ANKS1B: variants seen among roughly 807,000 people sequenced by gnomAD.
ANKS1B encodes the protein ankyrin repeat and sterile alpha motif domain containing 1B.
A neutral mutation model predicts 148.3 loss-of-function variants in ANKS1B; 36 were observed. The observed-to-expected ratio is 0.24, with a 90% CI of 0.19 to 0.32. The LOEUF (loss-of-function observed/expected upper bound fraction) is 0.32, where lower values mean the gene tolerates loss of function less well. Ranked by LOEUF, ANKS1B falls within the 10% of genes least tolerant of loss-of-function variation. The pLI is 1.00. For synonymous variants in ANKS1B, 542 were observed against 560.8 expected (o/e 0.97, Z 0.47); for missense variants, 1,157 against 1,542.6 (o/e 0.75, Z 4.19).
chr12:99,724,924 A>T (rs987476807), intron 8 of ANKS1B, among the ~76,000 whole-genome samples: 2 of 152,252 alleles, frequency 1.3e-5, no homozygotes, highest in Non-Finnish European at 2.9e-5. Flanking sequence ...TAAGCAAAGA[A>T]GAAATAAAAT....
intron 9 of ANKS1B, among the ~76,000 whole-genome samples, chr12:99,625,843 G>A (rs1415931007): frequency 6.6e-6 from 1 of 152,144 alleles, no homozygotes; most frequent in Non-Finnish European, 1.5e-5. Context: ...AGTCCAATGA[G>A]AGTAATAAAA....
chr12:99,308,977 G>T (rs2082748899), intron 12 of ANKS1B, among the ~76,000 whole-genome samples: 1 of 150,386 alleles, frequency 6.6e-6, no homozygotes, highest in Non-Finnish European at 1.5e-5. Context: ...CATATACACT[G>T]TATGTAATAG....
intron 12 of ANKS1B, among the ~76,000 whole-genome samples, chr12:99,314,653 A>C (rs532366953): frequency 2.0e-5 from 3 of 152,214 alleles, no homozygotes; most frequent in Admixed American, 2.0e-4. Flanking sequence ...GCCTGACAAA[A>C]AAAAGCAATA....
At chr12:99,557,536 G>A (rs1387834117) in intron 9 of ANKS1B, among the ~76,000 whole-genome samples, 1 of 152,056 alleles carries the variant, frequency 6.6e-6, no homozygotes, top group Non-Finnish European at 1.5e-5. Context: ...TCTTAAAATG[G>A]CCATTTCCTC....
At chr12:99,508,131 T>C (rs2096730558) in intron 9 of ANKS1B, among the ~76,000 whole-genome samples, 1 of 151,958 alleles carries the variant, frequency 6.6e-6, no homozygotes, top group Non-Finnish European at 1.5e-5. Context: ...AGATTATGTT[T>C]CTGAATTTCA....
chr12:98,978,415 C>G (rs888430443), intron 17 of ANKS1B, among the ~76,000 whole-genome samples: 13 of 152,188 alleles, frequency 8.5e-5, no homozygotes, highest in African/African-American at 2.6e-4. Flanking sequence ...AGATTCCAGT[C>G]TTACCATGCT....
intron 12 of ANKS1B, among the ~76,000 whole-genome samples, chr12:99,353,342 A>G (rs1466252959): frequency 6.6e-6 from 1 of 152,034 alleles, no homozygotes; most frequent in Non-Finnish European, 1.5e-5. Flanking sequence ...TGTTGTCTGT[A>G]AAAATCCTGG....
chr12:99,113,280 G>A (rs1339615110), intron 15 of ANKS1B, among the ~76,000 whole-genome samples: 1 of 152,194 alleles, frequency 6.6e-6, no homozygotes, highest in Admixed American at 6.5e-5. Flanking sequence ...CGAATGGGAA[G>A]TGGCAGAAAG....
intron 12 of ANKS1B, among the ~76,000 whole-genome samples, chr12:99,361,445 T>G (rs1456297526): frequency 6.6e-6 from 1 of 152,080 alleles, no homozygotes; most frequent in Non-Finnish European, 1.5e-5. Context: ...CCTTCCTTGA[T>G]GCCTGGTATT....
chr12:99,601,701 T>C (rs999486014), intron 9 of ANKS1B, among the ~76,000 whole-genome samples: 6 of 152,056 alleles, frequency 3.9e-5, no homozygotes, highest in Non-Finnish European at 8.8e-5. Flanking sequence ...GAAATGAAGA[T>C]TCAGAGACCC....
At chr12:99,900,535 G>A (rs901204123) in intron 1 of ANKS1B, among the ~76,000 whole-genome samples, 2 of 148,166 alleles carry the variant, frequency 1.3e-5, no homozygotes, top group Non-Finnish European at 3.0e-5. Context: ...AAAACTATGT[G>A]AAGTAGCTCC....
chr12:99,681,389 C>T (rs1334070403), intron 8 of ANKS1B, among the ~76,000 whole-genome samples: 2 of 152,150 alleles, frequency 1.3e-5, no homozygotes, highest in Admixed American at 6.6e-5. Context: ...TTGAGAAAAC[C>T]AGAACAATAA....
intron 9 of ANKS1B, among the ~76,000 whole-genome samples, chr12:98,738,090 C>T (rs558724396): frequency 2.0e-4 from 30 of 152,160 alleles, no homozygotes; most frequent in Admixed American, 1.2e-3. Flanking sequence ...TATGCTCACA[C>T]GAGAGGGGCA....
At chr12:99,677,982 T>G (rs10778004) in intron 8 of ANKS1B, among the ~76,000 whole-genome samples, 18 of 151,196 alleles carry the variant, frequency 1.2e-4, no homozygotes, top group Admixed American at 4.0e-4. Flanking sequence ...CAAAAAAAAA[T>G]TTTTTTTCAG....
At chr12:99,218,966 T>C (rs1033770978) in intron 14 of ANKS1B, among the ~76,000 whole-genome samples, 1 of 152,234 alleles carries the variant, frequency 6.6e-6, no homozygotes, top group African/African-American at 2.4e-5. Flanking sequence ...CATGAAATCA[T>C]ATGAAACCAT....
intron 15 of ANKS1B, among the ~76,000 whole-genome samples, chr12:99,126,503 C>T (rs1037311698): frequency 6.6e-6 from 1 of 151,942 alleles, no homozygotes; most frequent in Admixed American, 6.6e-5. Context: ...GTCTCCCCCT[C>T]CCCCCACCTT....
At chr12:99,535,318 G>C (rs12309903) in intron 9 of ANKS1B, among the ~76,000 whole-genome samples, 2,046 of 152,214 alleles carry the variant, frequency 0.013, 45 homozygotes, top group African/African-American at 0.047. Flanking sequence ...CCATCACCAA[G>C]TCCCATGATT....
chr12:99,347,803 C>CAA (rs35325272), intron 12 of ANKS1B, among the ~76,000 whole-genome samples: 8 of 150,930 alleles, frequency 5.3e-5, no homozygotes, highest in South Asian at 2.1e-4. Flanking sequence ...ATTAGACTTC[C>CAA]AAAAAAAATA....
intron 17 of ANKS1B, among the ~76,000 whole-genome samples, chr12:98,882,744 T>C (rs565262723): frequency 1.9e-4 from 29 of 149,192 alleles, no homozygotes; most frequent in African/African-American, 7.1e-4. Flanking sequence ...GGCAAGTAAC[T>C]GCCATACTGC....
Sources: gnomAD v4.1 joint callset for allele counts (sites outside exome capture counted in the v4.1 genomes callset) on GRCh38, gnomAD v4.1.1 for gene constraint, MANE v1.5 for transcripts, NCBI Gene and HGNC (gene_info 2026-07-23, HGNC 2026-07-21) for gene names.